The following ICA1L variants were observed in gnomAD, a reference collection of about 807,000 sequenced individuals.
ICA1L encodes the protein islet cell autoantigen 1-like protein.
Under a neutral mutation model 61.3 loss-of-function variants are expected in ICA1L, and 50 were observed. That is an observed-to-expected ratio of 0.82 (90% CI 0.65 to 1.03). The LOEUF is 1.03. Ranked by LOEUF, ICA1L falls within the 50% of genes least tolerant of loss-of-function variation. The pLI is 0.00. For missense variants in ICA1L, 508 were observed against 556.7 expected, an observed-to-expected ratio of 0.91 and a Z score of 0.88; for synonymous variants, 161 against 191.3, an observed-to-expected ratio of 0.84 and a Z score of 1.31.
chr2:202,839,969 C>T (rs192898714), intron 1 of ICA1L, among the ~76,000 whole-genome samples: 1 of 151,850 alleles, frequency 6.6e-6, no homozygotes, highest in African/African-American at 2.4e-5. Flanking sequence ...ACACTTTACC[C>T]TGCCTGACAT....
At chr2:202,834,789 C>T (rs1407945921) in intron 1 of ICA1L, among the ~76,000 whole-genome samples, 1 of 152,166 alleles carries the variant, frequency 6.6e-6, no homozygotes, top group Admixed American at 6.5e-5. Context: ...ATTAAATTTA[C>T]ATACACTGAA....
rs530637767 is a variant in ICA1L, at chr2:202,782,292, C to G, written c.1334-2644G>C. On this transcript the variant is annotated intron_variant, in intron 12 of 12. Transcript: ENST00000358299. ...CCCGGGAGGCGGAGGTTACAGTGAGCCAAGATCATGCCACTGCACTCCAGC... is the reference window on the plus strand; with the variant it reads ...CCCGGGAGGCGGAGGTTACAGTGAGGCAAGATCATGCCACTGCACTCCAGC... Among the ~76,000 whole-genome samples, 4 of 152,222 alleles carry G rather than the reference C, an allele frequency of 2.6e-5. No homozygotes were observed. The East Asian group carries it at 7.7e-4, about 29-fold the overall frequency.
intron 1 of ICA1L, among the ~76,000 whole-genome samples, chr2:202,857,145 T>C (rs1694790242): frequency 6.6e-6 from 1 of 152,136 alleles, no homozygotes; most frequent in Non-Finnish European, 1.5e-5. Flanking sequence ...AAATTTCATA[T>C]GGAACAAAAA....
rs930546974 is a variant in ICA1L at position 202,778,187 on chromosome 2, A to G, written c.*1346T>C. 2.6e-5 allele frequency: 4 copies of G among 152,114 alleles called. No individual in the cohort carries two copies. The highest frequency in any genetic ancestry group is 7.2e-5 in the African/African-American group (3 of 41,422). 9.4% of individuals were successfully genotyped at this position (152,114 alleles called of 1,614,324 possible). ...GAGCCACCGCACCCAGCCAGTCAAA[A>G]TGTCTTCTTATGGAAATGCAATGGA... On this transcript the variant is annotated 3_prime_UTR_variant, in exon 13 of 13. Transcript: ENST00000358299.
At position 202,774,421 on chromosome 2, in the gene ICA1L, T is replaced by C. The variant is rs1692154561; in HGVS notation, c.*5112A>G. 2.4e-6 allele frequency: 2 copies of C among 841,044 alleles called. No homozygotes were observed. The highest frequency in any genetic ancestry group is 3.3e-6 in the Non-Finnish European group (2 of 605,876). 52.1% of individuals were successfully genotyped at this position (841,044 alleles called of 1,614,324 possible). On this transcript the variant is annotated 3_prime_UTR_variant, in exon 13 of 13. Coordinates refer to ENST00000358299, the MANE Select transcript of ICA1L (RefSeq NM_001288622.3). Reference sequence around the variant, plus strand: ...CCTCCAACAGCCAGGGTCGAGCCCCTGGCTCCCCGTTCGTCCAGGCCAGCT... The same window carrying C: ...CCTCCAACAGCCAGGGTCGAGCCCCCGGCTCCCCGTTCGTCCAGGCCAGCT...
chr2:202,788,026 A>T (rs2105820813), intron 11 of ICA1L, among the ~76,000 whole-genome samples: 1 of 152,376 alleles, frequency 6.6e-6, no homozygotes, highest in East Asian at 1.9e-4. Flanking sequence ...TGGAGCACTC[A>T]GTGTGATTAT....
At chr2:202,798,558 T>C (rs1693002150) in intron 9 of ICA1L, among the ~76,000 whole-genome samples, 1 of 152,210 alleles carries the variant, frequency 6.6e-6, no homozygotes, top group Non-Finnish European at 1.5e-5. Flanking sequence ...TGGTTTACTG[T>C]TAATAATTTG....
At chr2:202,859,331 G>C (rs1263355609) in intron 1 of ICA1L, among the ~76,000 whole-genome samples, 1 of 152,164 alleles carries the variant, frequency 6.6e-6, no homozygotes, top group East Asian at 1.9e-4. Flanking sequence ...TGGTTACTGA[G>C]ATACTGATCT....
intron 9 of ICA1L, among the ~76,000 whole-genome samples, chr2:202,800,231 C>A (rs1034124105): frequency 6.6e-6 from 1 of 152,088 alleles, no homozygotes; most frequent in African/African-American, 2.4e-5. Context: ...AGCATCTCCA[C>A]ATTTTTCACT....
In ICA1L at chr2:202,870,657, C is replaced by G. The variant is rs768713217; in HGVS notation, c.-8+962G>C. On this transcript the variant is annotated intron_variant, in intron 1 of 12. Transcript: ENST00000358299. Reference sequence around the variant, plus strand: ...GTAATATCGTCTTACAGTACGTCGCCTGAGTCAGAACCAAATAAATCAATA... The same window carrying G: ...GTAATATCGTCTTACAGTACGTCGCGTGAGTCAGAACCAAATAAATCAATA... The G allele has an allele frequency of 2.0e-5, 3 of 152,172 alleles. No individual in the cohort carries two copies. The highest frequency in any genetic ancestry group is 4.4e-5 in the Non-Finnish European group (3 of 68,042). 9.4% of individuals were successfully genotyped at this position (152,172 alleles called of 1,614,324 possible).
chr2:202,806,112 C>A (rs1213623173), intron 9 of ICA1L, among the ~76,000 whole-genome samples: 2 of 152,062 alleles, frequency 1.3e-5, no homozygotes, highest in Non-Finnish European at 2.9e-5. Context: ...AAGCTCCAGC[C>A]AGCCAGCCAG....
chr2:202,833,472 C>T (rs1001322297), intron 1 of ICA1L, among the ~76,000 whole-genome samples: 7 of 152,130 alleles, frequency 4.6e-5, no homozygotes, highest in Non-Finnish European at 1.0e-4. Flanking sequence ...TTAGTCCCAG[C>T]TACTCAGGAG....
At chr2:202,871,279 C>G (rs564007962) in intron 1 of ICA1L, 1 of 152,264 alleles carries the variant, frequency 6.6e-6, no homozygotes, top group Non-Finnish European at 1.5e-5. Context: ...CCCAGGCTGC[C>G]GCGCTCCTTC....
At chr2:202,783,860 TTAAAC>T (rs1027649379) in intron 12 of ICA1L, among the ~76,000 whole-genome samples, 1 of 151,948 alleles carries the variant, frequency 6.6e-6, no homozygotes, top group African/African-American at 2.4e-5. Context: ...TGTCTGCTAC[TTAAAC>T]TATTTATTTC....
At chr2:202,796,805 G>A (rs1239568715) in intron 10 of ICA1L, 85 bp downstream of exon 10, 3 of 779,240 alleles carry the variant, frequency 3.8e-6, no homozygotes, top group Non-Finnish European at 6.0e-6. Flanking sequence ...GACCCAGACA[G>A]TTTCTAATGT....
intron 1 of ICA1L, among the ~76,000 whole-genome samples, chr2:202,836,598 G>A (rs1268586413): frequency 6.6e-6 from 1 of 151,860 alleles, no homozygotes; most frequent in Non-Finnish European, 1.5e-5. Context: ...CTAAATGTTT[G>A]GTAGTATTCA....
At chr2:202,846,663 G>C (rs980028935) in intron 1 of ICA1L, among the ~76,000 whole-genome samples, 1 of 152,102 alleles carries the variant, frequency 6.6e-6, no homozygotes, top group African/African-American at 2.4e-5. Context: ...CGGAAGTTAG[G>C]AACCAGCAAA....
chr2:202,870,646 C>G (rs1244317436), intron 1 of ICA1L: 1 of 152,188 alleles, frequency 6.6e-6, no homozygotes, highest in Non-Finnish European at 1.5e-5. Flanking sequence ...TATCGTCTTA[C>G]AGTACGTCGC....
rs1692208715 is a variant in ICA1L at position 202,776,037 on chromosome 2, TCCTTCGTTC to T, written c.*3487_*3495del. On this transcript the variant is annotated 3_prime_UTR_variant, in exon 13 of 13. Transcript: ENST00000358299. The stretch of plus-strand genomic sequence containing the variant: ...AAAATAGATAGAGCACATGTAAACT[TCCTTCGTTC>T]TAATGCTGTAAGACCTCTACATTTC... 1 of 152,226 alleles carries T rather than the reference TCCTTCGTTC, an allele frequency of 6.6e-6. No individual in the cohort carries two copies. The allele number at this position is 152,226 out of a possible 1,614,324, so 9.4% of individuals were successfully genotyped here.
Sources: gnomAD v4.1 joint callset for allele counts (sites outside exome capture counted in the v4.1 genomes callset) on GRCh38, gnomAD v4.1.1 for gene constraint, MANE v1.5 for transcripts, NCBI Gene and HGNC (gene_info 2026-07-23, HGNC 2026-07-21) for gene names.